The following FAM24B variants were observed in gnomAD, a reference collection of about 807,000 sequenced individuals.
FAM24B encodes the protein protein FAM24B.
FAM24B carries 3 observed loss-of-function variants against 2.3 expected under a neutral mutation model. That is an observed-to-expected ratio of 1.29 (90% CI 0.59 to 3.32). The LOEUF is 3.32. Among genes scored for constraint, FAM24B ranks in the 30% most tolerant of loss-of-function variants. The pLI is 0.03. For synonymous variants in FAM24B, 36 were observed against 46.3 expected, an observed-to-expected ratio of 0.78 and a Z score of 0.90; for missense variants, 98 against 117.2, an observed-to-expected ratio of 0.84 and a Z score of 0.76.
At chr10:122,852,601 C>T (rs908663963) in intron 2 of FAM24B, among the ~76,000 whole-genome samples, 1 of 152,128 alleles carries the variant, frequency 6.6e-6, no homozygotes, top group Non-Finnish European at 1.5e-5. Context: ...GATGCCACCC[C>T]AGAAGTTAAG....
intron 1 of FAM24B, among the ~76,000 whole-genome samples, chr10:122,873,098 A>G (rs138378393): frequency 5.9e-5 from 9 of 152,264 alleles, no homozygotes; most frequent in African/African-American, 2.2e-4. Context: ...ATAATTCATG[A>G]AGGTGGCCAC....
At chr10:122,867,403 C>A (rs1445126824) in intron 1 of FAM24B, among the ~76,000 whole-genome samples, 1 of 152,230 alleles carries the variant, frequency 6.6e-6, no homozygotes, top group Non-Finnish European at 1.5e-5. Context: ...ATAACCTCTG[C>A]AGACTTAAAT....
Position 122,878,247 on chromosome 10 carries a change from T to A in FAM24B, c.-178+1238A>T, listed in dbSNP as rs926801569. Among the ~76,000 whole-genome samples the A allele has an allele frequency of 4.6e-5, 7 of 152,226 alleles. No individual in the cohort carries two copies. In the East Asian group the frequency reaches 9.7e-4, roughly 21 times the overall value. On this transcript the variant is annotated intron_variant, in intron 1 of 3. Coordinates refer to ENST00000368898, the MANE Select transcript of FAM24B (RefSeq NM_152644.3). ...GCTTTGTATGCCTGTTAAGAAGTAATGGTGGCCAGGTGCGGTGGCTCACGC... is the reference window on the plus strand; with the variant it reads ...GCTTTGTATGCCTGTTAAGAAGTAAAGGTGGCCAGGTGCGGTGGCTCACGC...
At chr10:122,868,032 A>G (rs890663168) in intron 1 of FAM24B, among the ~76,000 whole-genome samples, 15 of 152,188 alleles carry the variant, frequency 9.9e-5, no homozygotes, top group African/African-American at 3.4e-4. Flanking sequence ...CAAAGAAGTT[A>G]AAAACTTTGA....
chr10:122,877,347 G>A (rs1847990735), intron 1 of FAM24B, among the ~76,000 whole-genome samples: 1 of 152,144 alleles, frequency 6.6e-6, no homozygotes. Context: ...CAGTTTGGGG[G>A]AAGTGGTGGA....
intron 1 of FAM24B, among the ~76,000 whole-genome samples, chr10:122,877,643 G>A (rs971819575): frequency 6.6e-6 from 1 of 152,174 alleles, no homozygotes; most frequent in Non-Finnish European, 1.5e-5. Context: ...CTGCCAGCCT[G>A]ATGCAAAAGC....
At chr10:122,870,185 G>C (rs992948468) in intron 1 of FAM24B, among the ~76,000 whole-genome samples, 9 of 152,110 alleles carry the variant, frequency 5.9e-5, no homozygotes, top group Admixed American at 5.2e-4. Context: ...AGAAAATCTA[G>C]AAGAAATGGA....
chr10:122,861,166 A>C (rs1257168809), intron 1 of FAM24B, among the ~76,000 whole-genome samples: 2 of 152,112 alleles, frequency 1.3e-5, no homozygotes, highest in Non-Finnish European at 2.9e-5. Flanking sequence ...TATATTTTAC[A>C]TTTAGGTCTA....
At chr10:122,864,844 G>C (rs1847778005) in intron 1 of FAM24B, among the ~76,000 whole-genome samples, 1 of 152,142 alleles carries the variant, frequency 6.6e-6, no homozygotes, top group South Asian at 2.1e-4. Flanking sequence ...AGGCTAACTG[G>C]TTTCAACTGG....
intron 2 of FAM24B, among the ~76,000 whole-genome samples, chr10:122,853,216 T>G (rs1353792505): frequency 2.0e-5 from 3 of 152,170 alleles, no homozygotes; most frequent in Non-Finnish European, 4.4e-5. Context: ...ATATGGGAAA[T>G]TTTTAAATCA....
intron 1 of FAM24B, among the ~76,000 whole-genome samples, chr10:122,870,555 G>A (rs925840829): frequency 1.3e-5 from 2 of 152,128 alleles, no homozygotes; most frequent in Admixed American, 6.5e-5. Context: ...CTGGCAAACT[G>A]AATCCAGCAG....
At chr10:122,861,376 A>C (rs1173572300) in intron 1 of FAM24B, among the ~76,000 whole-genome samples, 1 of 152,206 alleles carries the variant, frequency 6.6e-6, no homozygotes, top group African/African-American at 2.4e-5. Context: ...TAGCTTCAAA[A>C]TAAGTCTTAA....
At chr10:122,872,807 G>A (rs1225387952) in intron 1 of FAM24B, among the ~76,000 whole-genome samples, 2 of 152,078 alleles carry the variant, frequency 1.3e-5, no homozygotes, top group Admixed American at 6.5e-5. Flanking sequence ...GAGGGGGGAC[G>A]GATAGCATTA....
chr10:122,863,185 A>G (rs896026567), intron 1 of FAM24B, among the ~76,000 whole-genome samples: 1 of 152,220 alleles, frequency 6.6e-6, no homozygotes, highest in African/African-American at 2.4e-5. Flanking sequence ...TCCTACCTAC[A>G]GGTAACAGTA....
intron 1 of FAM24B, among the ~76,000 whole-genome samples, chr10:122,877,997 T>C (rs1039527885): frequency 6.6e-6 from 1 of 152,170 alleles, no homozygotes; most frequent in African/African-American, 2.4e-5. Context: ...AATGTGAGAA[T>C]TATTTGGTAA....
chr10:122,854,388 T>C (rs1047109137), intron 2 of FAM24B, among the ~76,000 whole-genome samples: 2 of 152,150 alleles, frequency 1.3e-5, no homozygotes, highest in African/African-American at 4.8e-5. Flanking sequence ...GCAAAGAAAC[T>C]AGGACCTAGT....
At chr10:122,858,096 A>T (rs1212530193) in intron 1 of FAM24B, among the ~76,000 whole-genome samples, 1 of 152,226 alleles carries the variant, frequency 6.6e-6, no homozygotes, top group African/African-American at 2.4e-5. Context: ...ATAAAGACAC[A>T]TACACACATA....
intron 1 of FAM24B, among the ~76,000 whole-genome samples, chr10:122,872,507 T>C (rs929156046): frequency 9.9e-5 from 15 of 152,202 alleles, no homozygotes; most frequent in Non-Finnish European, 2.9e-5. Flanking sequence ...TGTGGCATTA[T>C]TCACAATAGC....
intron 1 of FAM24B, among the ~76,000 whole-genome samples, chr10:122,862,334 A>G (rs1847737797): frequency 6.6e-6 from 1 of 152,216 alleles, no homozygotes; most frequent in Non-Finnish European, 1.5e-5. Flanking sequence ...AAATGCCATG[A>G]CAACATGGAC....
Sources: allele counts gnomAD v4.1 joint callset (sites outside exome capture counted in the v4.1 genomes callset), GRCh38; gene constraint gnomAD v4.1.1; transcripts MANE v1.5; gene names NCBI Gene and HGNC (gene_info 2026-07-23, HGNC 2026-07-21).